Variants in STK3 observed in about 807,000 individuals in gnomAD.
STK3 encodes serine/threonine kinase 3.
Under a neutral mutation model 58.0 loss-of-function variants are expected in STK3, and 41 were observed. The observed-to-expected ratio is 0.71, with a 90% CI of 0.55 to 0.92. STK3 has a LOEUF of 0.92. Among genes scored for constraint, STK3 ranks in the 40% least tolerant of loss-of-function variants. The pLI is 0.00. For synonymous variants in STK3, 170 were observed against 191.0 expected (o/e 0.89, Z 0.91); for missense variants, 479 against 602.7 (o/e 0.79, Z 2.15).
intron 1 of STK3, among the ~76,000 whole-genome samples, chr8:98,778,067 G>C (rs1831823597): frequency 6.6e-6 from 1 of 152,110 alleles, no homozygotes; most frequent in South Asian, 2.1e-4. Context: ...CACAGCAAAA[G>C]AAACTACCAT....
At chr8:98,854,647 A>G (rs1360910442) in intron 3 of STK3, among the ~76,000 whole-genome samples, 2 of 152,200 alleles carry the variant, frequency 1.3e-5, no homozygotes, top group Non-Finnish European at 2.9e-5. Context: ...AAAAAAGCAC[A>G]AAACTTATAC....
intron 3 of STK3, among the ~76,000 whole-genome samples, chr8:98,849,297 T>C (rs1392007877): frequency 6.6e-6 from 1 of 152,116 alleles, no homozygotes; most frequent in African/African-American, 2.4e-5. Flanking sequence ...CTGTATATTT[T>C]CTACAAGTCA....
At chr8:98,653,484 G>C (rs1043419651) in intron 6 of STK3, among the ~76,000 whole-genome samples, 5 of 152,062 alleles carry the variant, frequency 3.3e-5, no homozygotes, top group African/African-American at 1.2e-4. Context: ...ACTAAAATCA[G>C]AGCAGAACTG....
At chr8:98,828,456 A>AAC (rs1564043629), upstream of STK3, among the ~76,000 whole-genome samples, 1,037 of 150,618 alleles carry the variant, frequency 6.9e-3, 16 homozygotes, top group African/African-American at 0.024. Flanking sequence ...AAAAAAAAAA[A>AAC]AAAAAAAAAC....
intron 1 of STK3, among the ~76,000 whole-genome samples, chr8:98,929,289 A>C (rs1264210746): frequency 6.6e-6 from 1 of 152,210 alleles, no homozygotes; most frequent in Non-Finnish European, 1.5e-5. Context: ...AACAAAAAAA[A>C]ACTAACTAGA....
rs72666682 is a variant in STK3 at position 98,687,829 on chromosome 8, T to C, written c.684+18638A>G. Among the ~76,000 whole-genome samples, 190 of 152,186 alleles carry C rather than the reference T, an allele frequency of 1.2e-3. 1 individual carries two copies. Among genetic ancestry groups the C allele is most frequent in the Admixed American group, 4.4e-3 (67 of 15,288 alleles). On this transcript the variant is annotated intron_variant, in intron 6 of 10. Transcript: ENST00000419617. ...ACATTTACTAACACAAAAGCACACG[T>C]AAAGCACATAACCCACAGACTCTAT...
chr8:98,565,326 T>C (rs770298294), intron 8 of STK3, among the ~76,000 whole-genome samples: 2 of 152,172 alleles, frequency 1.3e-5, no homozygotes, highest in South Asian at 4.1e-4. Flanking sequence ...TCAAATGATA[T>C]AGCAATTTAT....
At chr8:98,567,159 A>G (rs2131663411) in intron 8 of STK3, among the ~76,000 whole-genome samples, 1 of 152,254 alleles carries the variant, frequency 6.6e-6, no homozygotes, top group African/African-American at 2.4e-5. Context: ...AACCTAGACA[A>G]AATTATTGTA....
At chr8:98,371,435 T>G (rs2130989467) in exon 3 of STK3, 1 of 152,312 alleles carries the variant, frequency 6.6e-6, no homozygotes, top group African/African-American at 2.4e-5. Context: ...ACTCCTAAGG[T>G]TAACTAGCTA....
rs527369634 is a variant in STK3 at position 98,587,611 on chromosome 8, G to C, written c.823-7822C>G. Among the ~76,000 whole-genome samples the C allele has an allele frequency of 2.6e-5, 4 of 152,214 alleles. No homozygotes were observed. In the East Asian group the frequency reaches 7.7e-4, roughly 29 times the overall value. On this transcript the variant is annotated intron_variant, in intron 7 of 10. Transcript: ENST00000419617. ...TGGAGAGTTCTGTAGATGTCTATTA[G>C]TTCCGCTTGGTGCAGAGCTGAGTTC...
rs369663315 is a variant in STK3 at position 98,690,228 on chromosome 8, T to G, written c.684+16239A>C. ...GCAAGAGAAAGAAGTAAAAGACATA[T>G]AAATAGGAAAAAAAGAAGTCAAATT... On this transcript the variant is annotated intron_variant, in intron 6 of 10. Coordinates refer to ENST00000419617, the MANE Select transcript of STK3 (RefSeq NM_006281.4). Among the ~76,000 whole-genome samples, 6 of 151,908 alleles carry G rather than the reference T, an allele frequency of 3.9e-5. No individual in the cohort carries two copies. The South Asian group carries it at 8.3e-4, about 21-fold the overall frequency.
Position 98,428,524 on chromosome 8 carries a change from ACTCAGTG to A in STK3, n.483+5596_483+5602del. On this transcript the variant is annotated intron_variant and non_coding_transcript_variant, in intron 3 of 3. Transcript: ENST00000517832. This position sits in a 1 kb window ranked among gnomAD's most constrained non-coding sequence, Gnocchi z 6.7. ...TGGCTGGCGCTGGACAACCCCGGCTACTCAGTGCTGAGCAGGGTCTTCAGCATCCTGT... is the reference window on the plus strand; with the variant it reads ...TGGCTGGCGCTGGACAACCCCGGCTACTGAGCAGGGTCTTCAGCATCCTGT... 6.2e-7 allele frequency: 1 copy of A among 1,614,062 alleles called. No homozygotes were observed. Among genetic ancestry groups the A allele is most frequent in the Non-Finnish European group, 8.5e-7 (1 of 1,180,012 alleles).
intron 7 of STK3, among the ~76,000 whole-genome samples, chr8:98,580,836 T>C (rs1035295515): frequency 6.6e-6 from 1 of 152,068 alleles, no homozygotes; most frequent in Admixed American, 6.6e-5. Flanking sequence ...ACAAAAAAAA[T>C]TGTGCTGAAG....
intron 9 of STK3, among the ~76,000 whole-genome samples, chr8:98,535,986 GCAA>G (rs1809726236): frequency 6.6e-6 from 1 of 152,134 alleles, no homozygotes; most frequent in African/African-American, 2.4e-5. Flanking sequence ...AGAAGTGGTA[GCAA>G]CAGAAAGGGG....
At chr8:98,620,869 C>G (rs962746501) in intron 6 of STK3, among the ~76,000 whole-genome samples, 1 of 150,634 alleles carries the variant, frequency 6.6e-6, no homozygotes, top group African/African-American at 2.4e-5. Context: ...AATGGTATTG[C>G]ATTTTTAACT....
chr8:98,754,271 C>A (rs111547984), intron 3 of STK3, among the ~76,000 whole-genome samples: 1 of 151,830 alleles, frequency 6.6e-6, no homozygotes, highest in Admixed American at 6.6e-5. Flanking sequence ...AAAAAAAATT[C>A]TTTACATGTA....
At chr8:98,713,821 CAAA>C in intron 4 of STK3, among the ~76,000 whole-genome samples, 1 of 145,426 alleles carries the variant, frequency 6.9e-6, no homozygotes, top group South Asian at 2.2e-4. Flanking sequence ...AGAGACACAA[CAAA>C]AAAAAAAGAG....
the STK3 span, among the ~76,000 whole-genome samples, chr8:98,359,561 T>C: frequency 1.3e-5 from 2 of 150,422 alleles, no homozygotes; most frequent in South Asian, 2.1e-4. Context: ...AAAGGATAAA[T>C]GAGTGTTTTC....
intron 10 of STK3, among the ~76,000 whole-genome samples, chr8:98,467,353 T>C (rs1272766226): frequency 2.0e-5 from 3 of 152,102 alleles, no homozygotes; most frequent in South Asian, 2.1e-4. Context: ...TCAATATTTA[T>C]TGAATGAATG....
Sources: allele counts gnomAD v4.1 joint callset (sites outside exome capture counted in the v4.1 genomes callset), GRCh38; gene constraint gnomAD v4.1.1; non-coding constraint Gnocchi (gnomAD v3.1); transcripts MANE v1.5; gene names NCBI Gene and HGNC (gene_info 2026-07-23, HGNC 2026-07-21).